The following HTT variants were observed in gnomAD, a reference collection of about 807,000 sequenced individuals.
HTT encodes the protein huntington disease protein.
A neutral mutation model predicts 362.3 loss-of-function variants in HTT; 104 were observed. That is an observed-to-expected ratio of 0.29 (90% CI 0.24 to 0.34). The LOEUF is 0.34. Among genes scored for constraint, HTT ranks in the 10% least tolerant of loss-of-function variants. The pLI, the probability that HTT is intolerant of heterozygous loss-of-function variation, is 1.00. For missense variants in HTT, 3,301 were observed against 3,928.6 expected (o/e 0.84, Z 4.27); for synonymous variants, 1,577 against 1,548.7 (o/e 1.02, Z -0.43).
intron 27 of HTT, 113 bp from the exon 28 acceptor site, chr4:3,156,959 T>TGAATATTTTCATACTA: frequency 1.2e-6 from 1 of 839,738 alleles, no homozygotes; most frequent in East Asian, 2.7e-5. Flanking sequence ...AGGAAATACT[T>TGAATATTTTCATACTA]GAATATTTTC....
chr4:3,182,796 G>T (rs1302015081), intron 37 of HTT, among the ~76,000 whole-genome samples: 5 of 152,166 alleles, frequency 3.3e-5, no homozygotes, highest in Non-Finnish European at 7.3e-5. Context: ...ACTGCCTCCT[G>T]CATTCTGGTC....
intron 60 of HTT, among the ~76,000 whole-genome samples, chr4:3,232,482 G>A (rs1204084362): frequency 1.3e-5 from 2 of 152,168 alleles, no homozygotes; most frequent in African/African-American, 2.4e-5. Flanking sequence ...TAAGTGTTTA[G>A]GTCGATATTT....
Position 3,228,916 on chromosome 4 carries a change from G to A in HTT, c.8016G>A (p.Ser2672=), listed in dbSNP as rs34600449. The A allele has an allele frequency of 5.0e-6, 8 of 1,613,596 alleles. No homozygotes were observed. In the African/African-American group the frequency reaches 5.3e-5, roughly 11 times the overall value. Residue 2672 remains serine, a synonymous_variant, in exon 59 of 67, where the codon TCG becomes TCA. Transcript: ENST00000355072. This position sits in a 1 kb window ranked among gnomAD's most constrained non-coding sequence, Gnocchi z 4.3. ...HRAGVDIHSC[S]QFLLELYSRW... ...CTGGAGTTGACATCCACTCCTGTTC[G>A]CAGTTTTTGCTTGAGTTGTACAGCC...
intron 41 of HTT, among the ~76,000 whole-genome samples, chr4:3,201,243 AT>A (rs1395847358): frequency 2.0e-5 from 3 of 152,326 alleles, no homozygotes; most frequent in Admixed American, 1.3e-4. Flanking sequence ...ACATTAATAG[AT>A]TAGGCTGGGC....
At chr4:3,165,813 AT>A (rs962772418) in intron 29 of HTT, among the ~76,000 whole-genome samples, 51 of 151,570 alleles carry the variant, frequency 3.4e-4, no homozygotes, top group African/African-American at 1.2e-3. Flanking sequence ...TTAGTCTAAC[AT>A]TTTTTTCAAG....
intron 6 of HTT, among the ~76,000 whole-genome samples, chr4:3,111,100 C>G (rs1435418270): frequency 6.6e-6 from 1 of 152,100 alleles, no homozygotes; most frequent in Non-Finnish European, 1.5e-5. Flanking sequence ...TCACTGCAGC[C>G]TCAAATTCCT....
chr4:3,148,833 T>A (rs566563692), intron 26 of HTT, among the ~76,000 whole-genome samples: 2 of 152,288 alleles, frequency 1.3e-5, no homozygotes, highest in South Asian at 4.1e-4. Flanking sequence ...GGTGCGTGCC[T>A]GTAATCCCAG....
At chr4:3,146,746 T>C in intron 24 of HTT, 51 bp from the exon 25 acceptor site, 2 of 1,557,364 alleles carry the variant, frequency 1.3e-6, no homozygotes, top group Non-Finnish European at 1.8e-6. Context: ...GGAAGACTGT[T>C]GTTTGCTTAA....
intron 41 of HTT, among the ~76,000 whole-genome samples, chr4:3,203,572 G>A (rs1376376723): frequency 6.6e-6 from 1 of 152,242 alleles, no homozygotes; most frequent in East Asian, 1.9e-4. Context: ...AACATGTTTA[G>A]AGTGGTGATG....
chr4:3,240,085 G>A lies in HTT; in HGVS notation c.*26G>A, dbSNP rs531163346. ...GCGCCATGGTGGGAGAGACTGTGAG[G>A]CGGCAGCTGGGGCCGGAGCCTTTGG... On this transcript the variant is annotated 3_prime_UTR_variant, in exon 67 of 67. Transcript: ENST00000355072. The A allele has an allele frequency of 1.3e-6, 2 of 1,547,898 alleles. No homozygotes were observed. The highest frequency in any genetic ancestry group is 1.2e-5 in the South Asian group (1 of 84,842).
intron 59 of HTT, among the ~76,000 whole-genome samples, chr4:3,229,661 C>A (rs777781544): frequency 2.0e-5 from 3 of 151,930 alleles, no homozygotes; most frequent in Non-Finnish European, 4.4e-5. Context: ...ACACCACATA[C>A]GCCACATGTA....
At chr4:3,091,958 A>G (rs917152368) in intron 2 of HTT, among the ~76,000 whole-genome samples, 3 of 152,176 alleles carry the variant, frequency 2.0e-5, no homozygotes, top group African/African-American at 4.8e-5. Flanking sequence ...CCTTCATCCC[A>G]TTAGAAAATT....
At chr4:3,145,823 CA>C (rs1716571293) in intron 24 of HTT, among the ~76,000 whole-genome samples, 1 of 152,112 alleles carries the variant, frequency 6.6e-6, no homozygotes, top group Non-Finnish European at 1.5e-5. Context: ...AGCAAATGAC[CA>C]ACTGATATTT....
chr4:3,161,774 C>CT (rs1433693691), intron 29 of HTT, among the ~76,000 whole-genome samples: 3 of 151,556 alleles, frequency 2.0e-5, no homozygotes, highest in Admixed American at 2.0e-4. Context: ...GGGTTGTTTG[C>CT]TTTTTTTTCG....
Position 3,238,476 on chromosome 4 carries a change from G to C in HTT, c.8921G>C (p.Arg2974Thr), listed in dbSNP as rs1721647353. Residue 2974 changes from arginine to threonine, a missense_variant, in exon 65 of 67, where the codon AGA (arginine) becomes ACA (threonine). Around this residue, in one of 4 missense-constraint regions of HTT, gnomAD observed 753 missense variants for 1,021.3 expected, o/e 0.74. Transcript: ENST00000355072. ...AGGAAAGGCTTTCCTTGTGAAGCCA[G>C]AGTGGTGGCCAGGATCCTGCCCCAG... is the stretch of plus-strand genomic sequence containing the variant. ...RIRKGFPCEA[R>T]VVARILPQFL... The C allele has an allele frequency of 6.2e-7, 1 of 1,612,486 alleles. No homozygotes were observed. Among genetic ancestry groups the C allele is most frequent in the Non-Finnish European group, 8.5e-7 (1 of 1,179,298 alleles).
chr4:3,191,362 A>G (rs1296186663), intron 40 of HTT, among the ~76,000 whole-genome samples: 1 of 151,934 alleles, frequency 6.6e-6, no homozygotes, highest in Non-Finnish European at 1.5e-5. Flanking sequence ...TTTAGTAGAG[A>G]CAGGGTTTCT....
intron 50 of HTT, among the ~76,000 whole-genome samples, chr4:3,214,857 C>T (rs1720323540): frequency 6.6e-6 from 1 of 152,100 alleles, no homozygotes; most frequent in African/African-American, 2.4e-5. Context: ...GAGAGATGGC[C>T]AACAGGAGAC....
chr4:3,204,891 G>C (rs1004013733), intron 42 of HTT, among the ~76,000 whole-genome samples: 19 of 152,190 alleles, frequency 1.2e-4, no homozygotes, highest in Non-Finnish European at 2.4e-4. Context: ...ACTGAGAAGG[G>C]AGGATTGCTT....
At chr4:3,148,960 G>A (rs1295678816) in intron 26 of HTT, among the ~76,000 whole-genome samples, 1 of 152,110 alleles carries the variant, frequency 6.6e-6, no homozygotes, top group African/African-American at 2.4e-5. Context: ...CTTTCCAAAA[G>A]AAGAAAAAAA....
Sources: gnomAD v4.1 joint callset for allele counts (sites outside exome capture counted in the v4.1 genomes callset) on GRCh38, gnomAD v4.1.1 for gene constraint, gnomAD v4.1.1 regional missense constraint, Gnocchi (gnomAD v3.1) non-coding constraint, MANE v1.5 for transcripts, NCBI Gene and HGNC (gene_info 2026-07-23, HGNC 2026-07-21) for gene names.